The following NTM variants were observed in gnomAD, a reference collection of about 807,000 sequenced individuals.
The protein encoded by NTM is IgLON family member 2.
A neutral mutation model predicts 42.1 loss-of-function variants in NTM; 13 were observed. That is an observed-to-expected ratio of 0.31 (90% CI 0.20 to 0.49). The LOEUF (loss-of-function observed/expected upper bound fraction) is 0.49, where lower values mean the gene tolerates loss of function less well. Ranked by LOEUF, NTM falls within the 20% of genes least tolerant of loss-of-function variation. The pLI is 0.99. For synonymous variants in NTM, 187 were observed against 179.2 expected (o/e 1.04, Z -0.35); for missense variants, 373 against 452.8 (o/e 0.82, Z 1.60).
chr11:131,984,767 GAAAA>G (rs955533279), intron 2 of NTM: 3 of 151,538 alleles, frequency 2.0e-5, no homozygotes, highest in African/African-American at 7.3e-5. Flanking sequence ...TTTGCCACAT[GAAAA>G]AAAATAAAAA....
intron 1 of NTM, among the ~76,000 whole-genome samples, chr11:131,710,899 C>T (rs1322727306): frequency 6.6e-6 from 1 of 152,158 alleles, no homozygotes; most frequent in Non-Finnish European, 1.5e-5. Flanking sequence ...GACATTCCTC[C>T]TTGTAGAAAT....
intron 1 of NTM, among the ~76,000 whole-genome samples, chr11:131,393,303 A>G (rs1328795822): frequency 6.6e-6 from 1 of 152,142 alleles, no homozygotes; most frequent in Non-Finnish European, 1.5e-5. Flanking sequence ...CTCCCCACAC[A>G]TGGGCTCCTT....
chr11:132,020,555 T>C (rs934169524), intron 2 of NTM, among the ~76,000 whole-genome samples: 1 of 152,138 alleles, frequency 6.6e-6, no homozygotes, highest in African/African-American at 2.4e-5. Context: ...TTTTAGCTTA[T>C]CACAATCTAC....
chr11:131,494,216 T>C (rs1955097595), intron 1 of NTM, among the ~76,000 whole-genome samples: 1 of 152,188 alleles, frequency 6.6e-6, no homozygotes, highest in African/African-American at 2.4e-5. Flanking sequence ...CAATAAAACT[T>C]TGAGCTCCTA....
intron 7 of NTM, among the ~76,000 whole-genome samples, chr11:132,320,044 C>T (rs1406969591): frequency 6.6e-6 from 1 of 152,226 alleles, no homozygotes; most frequent in Non-Finnish European, 1.5e-5. Flanking sequence ...AACAGACCTG[C>T]AGATGAGGGT....
chr11:131,813,339 G>T (rs1355325022), intron 1 of NTM, among the ~76,000 whole-genome samples: 1 of 152,122 alleles, frequency 6.6e-6, no homozygotes, highest in Non-Finnish European at 1.5e-5. Context: ...AACCTACTAA[G>T]TTCAAGGCAC....
At chr11:131,577,294 G>T (rs766350746) in intron 1 of NTM, among the ~76,000 whole-genome samples, 1 of 152,064 alleles carries the variant, frequency 6.6e-6, no homozygotes, top group African/African-American at 2.4e-5. Flanking sequence ...TGAAAAAAAT[G>T]ACAAGGATTC....
chr11:131,629,000 G>A lies in NTM; in HGVS notation c.82+258112G>A, dbSNP rs952254386. Among the ~76,000 whole-genome samples the A allele has an allele frequency of 3.3e-5, 5 of 152,220 alleles. No individual in the cohort carries two copies. In the East Asian group the frequency reaches 9.7e-4, roughly 29 times the overall value. On this transcript the variant is annotated intron_variant, in intron 1 of 8. Transcript: ENST00000683400. ...GGGCATCTGTGCATGGTGTGGTGTG[G>A]GTGGGGACCAAGTTGAAGGAATCGG...
chr11:132,272,909 T>C (rs922547173), intron 4 of NTM, among the ~76,000 whole-genome samples: 1 of 152,138 alleles, frequency 6.6e-6, no homozygotes, highest in East Asian at 1.9e-4. Flanking sequence ...TGACTAGAAC[T>C]GGTTGAGAGG....
intron 4 of NTM, among the ~76,000 whole-genome samples, chr11:132,246,585 G>C (rs184626524): frequency 7.3e-4 from 111 of 152,306 alleles, no homozygotes; most frequent in African/African-American, 1.6e-3. Context: ...TTTTGCTTTG[G>C]ATAATATTCA....
chr11:131,565,148 T>A lies in NTM; in HGVS notation c.82+194260T>A, dbSNP rs114597482. Among the ~76,000 whole-genome samples, 594 of 152,294 alleles carry A rather than the reference T, an allele frequency of 3.9e-3. 4 individuals carry two copies. The highest frequency in any genetic ancestry group is 0.014 in the African/African-American group (567 of 41,586). ...GTTGGTGGTCTGCTCACCCCAACAC[T>A]GTCCCCTGTGAACACAGGGAGCAGC... On this transcript the variant is annotated intron_variant, in intron 1 of 8. Transcript: ENST00000683400.
At chr11:131,529,244 G>A (rs2050913820) in intron 1 of NTM, among the ~76,000 whole-genome samples, 1 of 152,280 alleles carries the variant, frequency 6.6e-6, no homozygotes, top group African/African-American at 2.4e-5. Context: ...TCCCCAGATA[G>A]AAAGGGTATT....
At chr11:131,848,095 A>G (rs1045855338) in intron 1 of NTM, among the ~76,000 whole-genome samples, 1 of 152,178 alleles carries the variant, frequency 6.6e-6, no homozygotes, top group African/African-American at 2.4e-5. Context: ...TATCATGTAG[A>G]CGTGGTGTAT....
At chr11:131,784,769 A>G (rs948377624) in intron 1 of NTM, among the ~76,000 whole-genome samples, 1 of 152,200 alleles carries the variant, frequency 6.6e-6, no homozygotes, top group Non-Finnish European at 1.5e-5. Flanking sequence ...TGCAAAATAC[A>G]CCTTAATAAA....
intron 2 of NTM, among the ~76,000 whole-genome samples, chr11:131,986,679 T>C (rs1445241024): frequency 6.6e-6 from 1 of 152,216 alleles, no homozygotes; most frequent in Non-Finnish European, 1.5e-5. Flanking sequence ...ATGTGACTTA[T>C]TTATTTGGTT....
chr11:132,014,077 G>T (rs530573594), intron 2 of NTM, among the ~76,000 whole-genome samples: 2 of 151,774 alleles, frequency 1.3e-5, no homozygotes, highest in East Asian at 3.9e-4. Flanking sequence ...ACATCCTTCG[G>T]TAATAATCAT....
intron 2 of NTM, among the ~76,000 whole-genome samples, chr11:132,100,286 G>C (rs1455323555): frequency 6.6e-6 from 1 of 152,172 alleles, no homozygotes; most frequent in East Asian, 1.9e-4. Context: ...GTGTGGTATT[G>C]ATCAGCATCA....
intron 1 of NTM, among the ~76,000 whole-genome samples, chr11:131,521,264 A>G (rs376157375): frequency 6.6e-6 from 1 of 150,390 alleles, no homozygotes; most frequent in East Asian, 2.0e-4. Flanking sequence ...GCAGTGAGCC[A>G]AGATCGTGCC....
At chr11:132,304,740 C>T (rs1413701379) in intron 4 of NTM, among the ~76,000 whole-genome samples, 1 of 152,126 alleles carries the variant, frequency 6.6e-6, no homozygotes. Flanking sequence ...ATTTATTAAG[C>T]ATATTACTAT....
Sources: allele counts gnomAD v4.1 joint callset (sites outside exome capture counted in the v4.1 genomes callset), GRCh38; gene constraint gnomAD v4.1.1; transcripts MANE v1.5; gene names NCBI Gene and HGNC (gene_info 2026-07-23, HGNC 2026-07-21).